The following IL1RAPL2 variants were observed in gnomAD, a reference collection of about 807,000 sequenced individuals.
IL1RAPL2 encodes interleukin 1 receptor accessory protein like 2.
In IL1RAPL2, 3 loss-of-function variants were observed where a neutral mutation model predicts 44.1. That is an observed-to-expected ratio of 0.07 (90% CI 0.03 to 0.18). IL1RAPL2 has a LOEUF of 0.18. Ranked by LOEUF, IL1RAPL2 falls within the 10% of genes least tolerant of loss-of-function variation. The probability of loss-of-function intolerance (pLI) is 1.00; values close to 1 mark genes in which losing one functional copy is unlikely to be tolerated. For synonymous variants in IL1RAPL2, 181 were observed against 178.8 expected (o/e 1.01, Z -0.10); for missense variants, 391 against 496.4 (o/e 0.79, Z 2.02).
At chrX:105,271,426 GT>G (rs926137694) in intron 5 of IL1RAPL2, among the ~76,000 whole-genome samples, 2 of 111,719 alleles carry the variant, frequency 1.8e-5, no homozygotes, top group Non-Finnish European at 3.8e-5. Context: ...CTATTTTAAA[GT>G]TTTTTTCTTT....
chrX:104,735,307 T>C (rs966026027), intron 2 of IL1RAPL2, among the ~76,000 whole-genome samples: 5 of 111,711 alleles, frequency 4.5e-5, no homozygotes, highest in African/African-American at 1.6e-4. Context: ...AAATAGGTGA[T>C]AAAAATGGTG....
At chrX:105,480,904 C>T (rs1405191322) in intron 5 of IL1RAPL2, among the ~76,000 whole-genome samples, 1 of 111,910 alleles carries the variant, frequency 8.9e-6, no homozygotes, top group Non-Finnish European at 1.9e-5. Context: ...AAATGTTCTG[C>T]ACTTCTTAGC....
chrX:105,174,570 T>A (rs1180473372), intron 2 of IL1RAPL2, among the ~76,000 whole-genome samples: 4 of 111,666 alleles, frequency 3.6e-5, no homozygotes, highest in Non-Finnish European at 5.6e-5. Context: ...TTTGCCTTTT[T>A]AAATTTTGCT....
chrX:104,753,669 C>T (rs1932299395), intron 2 of IL1RAPL2, among the ~76,000 whole-genome samples: 1 of 111,284 alleles, frequency 9.0e-6, no homozygotes, highest in Non-Finnish European at 1.9e-5. Context: ...CCTAAAGTCT[C>T]CATTAGGAAC....
chrX:105,347,589 TC>T (rs2035120534), intron 5 of IL1RAPL2, among the ~76,000 whole-genome samples: 1 of 109,429 alleles, frequency 9.1e-6, no homozygotes, highest in Non-Finnish European at 1.9e-5. Context: ...ATCATCATCA[TC>T]ATCATCATCA....
At chrX:105,343,974 A>G (rs1018011267) in intron 5 of IL1RAPL2, among the ~76,000 whole-genome samples, 1 of 108,135 alleles carries the variant, frequency 9.2e-6, no homozygotes, top group Non-Finnish European at 1.9e-5. Flanking sequence ...GGCTCACTGT[A>G]ATCTCCATCT....
chrX:104,811,883 G>A (rs763271088), intron 2 of IL1RAPL2, among the ~76,000 whole-genome samples: 15 of 110,973 alleles, frequency 1.4e-4, no homozygotes, highest in South Asian at 3.9e-4. Context: ...GAGACTGAAC[G>A]CTGTTTGTGG....
At chrX:105,349,177 G>A (rs1222592705) in intron 5 of IL1RAPL2, among the ~76,000 whole-genome samples, 1 of 112,073 alleles carries the variant, frequency 8.9e-6, no homozygotes, top group African/African-American at 3.2e-5. Context: ...TCTTAGCCAT[G>A]TGTAACTGAC....
intron 1 of IL1RAPL2, among the ~76,000 whole-genome samples, chrX:104,616,414 T>C (rs985789547): frequency 8.0e-5 from 9 of 112,259 alleles, no homozygotes; most frequent in African/African-American, 2.9e-4. Context: ...TAGTTTAATA[T>C]GAAGACAATA....
intron 5 of IL1RAPL2, among the ~76,000 whole-genome samples, chrX:105,356,038 C>A (rs2035199774): frequency 1.8e-5 from 2 of 110,971 alleles, no homozygotes; most frequent in South Asian, 7.6e-4. Context: ...ATGGTTTCAT[C>A]AAGGTTAAAT....
chrX:105,337,971 T>C (rs911579503), intron 5 of IL1RAPL2, among the ~76,000 whole-genome samples: 1 of 111,924 alleles, frequency 8.9e-6, no homozygotes, highest in East Asian at 2.8e-4. Context: ...TCCAAAAGTA[T>C]CAATAGCTTC....
chrX:105,124,296 A>G (rs1035011379), intron 2 of IL1RAPL2, among the ~76,000 whole-genome samples: 1 of 110,274 alleles, frequency 9.1e-6, no homozygotes, highest in Non-Finnish European at 1.9e-5. Context: ...TTGAGAATCT[A>G]GAGAAAACAG....
intron 2 of IL1RAPL2, among the ~76,000 whole-genome samples, chrX:104,846,687 T>C (rs1388120697): frequency 8.9e-6 from 1 of 112,053 alleles, no homozygotes; most frequent in Non-Finnish European, 1.9e-5. Context: ...AGAAGCATGA[T>C]TTATAATCCT....
chrX:104,899,563 T>TACCAAATGG (rs1923752041), intron 2 of IL1RAPL2, among the ~76,000 whole-genome samples: 1 of 111,789 alleles, frequency 8.9e-6, no homozygotes, highest in Non-Finnish European at 1.9e-5. Flanking sequence ...ACTGGGAATC[T>TACCAAATGG]GTAGGTGATG....
chrX:104,880,964 T>G (rs1420166346), intron 2 of IL1RAPL2, among the ~76,000 whole-genome samples: 1 of 111,687 alleles, frequency 9.0e-6, no homozygotes, highest in Middle Eastern at 4.2e-3. Flanking sequence ...AATAACGACC[T>G]CATTTTGCGG....
chrX:104,942,087 GT>G (rs1332104427), intron 2 of IL1RAPL2, among the ~76,000 whole-genome samples: 1 of 111,967 alleles, frequency 8.9e-6, no homozygotes, highest in Non-Finnish European at 1.9e-5. Context: ...GTACCATGCT[GT>G]TTTGGTTACT....
chrX:105,233,040 T>C (rs1418733220), intron 3 of IL1RAPL2, among the ~76,000 whole-genome samples: 1 of 112,004 alleles, frequency 8.9e-6, no homozygotes, highest in African/African-American at 3.2e-5. Flanking sequence ...TGTAATCACT[T>C]TGGGAGGCCG....
intron 10 of IL1RAPL2, among the ~76,000 whole-genome samples, chrX:105,759,241 T>G (rs1335983571): frequency 8.9e-6 from 1 of 112,433 alleles, no homozygotes; most frequent in Non-Finnish European, 1.9e-5. Context: ...AACCCAATCC[T>G]GTACTCTTTG....
At chrX:104,671,019 T>C (rs916640285) in intron 2 of IL1RAPL2, among the ~76,000 whole-genome samples, 1 of 111,530 alleles carries the variant, frequency 9.0e-6, no homozygotes, top group African/African-American at 3.3e-5. Context: ...GCATATAATA[T>C]ATGGCATACA....
Sources: gnomAD v4.1 joint callset for allele counts (sites outside exome capture counted in the v4.1 genomes callset) on GRCh38, gnomAD v4.1.1 for gene constraint, MANE v1.5 for transcripts, NCBI Gene and HGNC (gene_info 2026-07-23, HGNC 2026-07-21) for gene names.